The following PAQR8 variants were observed in gnomAD, a reference collection of about 807,000 sequenced individuals.
PAQR8 encodes membrane progestin receptor beta.
Under a neutral mutation model 25.2 loss-of-function variants are expected in PAQR8, and 17 were observed. That is an observed-to-expected ratio of 0.67 (90% CI 0.46 to 1.01). The LOEUF (loss-of-function observed/expected upper bound fraction) is 1.01, where lower values mean the gene tolerates loss of function less well. PAQR8 is among the 50% of genes least tolerant of loss of function. The pLI, the probability that PAQR8 is intolerant of heterozygous loss-of-function variation, is 0.00. For synonymous variants in PAQR8, 204 were observed against 190.6 expected, an observed-to-expected ratio of 1.07 and a Z score of -0.58; for missense variants, 392 against 448.4, an observed-to-expected ratio of 0.87 and a Z score of 1.14.
chr6:52,379,746 C>T (rs1196373430), intron 1 of PAQR8, among the ~76,000 whole-genome samples: 1 of 151,512 alleles, frequency 6.6e-6, no homozygotes, highest in Non-Finnish European at 1.5e-5. Flanking sequence ...CCTGCTTCAG[C>T]CTCCGAAGTA....
chr6:52,401,918 G>A (rs1051240208), intron 1 of PAQR8, among the ~76,000 whole-genome samples: 1 of 151,946 alleles, frequency 6.6e-6, no homozygotes, highest in Non-Finnish European at 1.5e-5. Context: ...TTTTAATATC[G>A]AGAAAAGCCC....
intron 1 of PAQR8, among the ~76,000 whole-genome samples, chr6:52,374,281 G>T (rs988086697): frequency 6.6e-6 from 1 of 152,128 alleles, no homozygotes; most frequent in Non-Finnish European, 1.5e-5. Context: ...AGAAACTTTG[G>T]TTCTCCATTT....
chr6:52,394,447 T>A lies in PAQR8; in HGVS notation c.-52-8715T>A, dbSNP rs571528823. Reference sequence around the variant, plus strand: ...CTTAAGAATACAGATGATCCCCAACTTAGGATGGTGTGAAAGTGATACACA... The same window carrying A: ...CTTAAGAATACAGATGATCCCCAACATAGGATGGTGTGAAAGTGATACACA... On this transcript the variant is annotated intron_variant, in intron 1 of 1. Coordinates refer to ENST00000442253, the MANE Select transcript of PAQR8 (RefSeq NM_133367.5). Among the ~76,000 whole-genome samples the A allele has an allele frequency of 3.3e-5, 5 of 152,208 alleles. No homozygotes were observed. The South Asian group carries it at 1.0e-3, about 31-fold the overall frequency.
Position 52,406,478 on chromosome 6 carries a change from G to A in PAQR8, c.*2200G>A. 2.4e-6 allele frequency: 1 copy of A among 413,498 alleles called. No individual in the cohort carries two copies. Among genetic ancestry groups the A allele is most frequent in the Non-Finnish European group, 4.4e-6 (1 of 226,154 alleles). 25.6% of individuals were successfully genotyped at this position (413,498 alleles called of 1,614,324 possible). A position where few individuals can be genotyped will look rare whatever the true frequency, so the allele number is the denominator to read the frequency against. On this transcript the variant is annotated 3_prime_UTR_variant, in exon 2 of 2. Coordinates refer to ENST00000442253, the MANE Select transcript of PAQR8 (RefSeq NM_133367.5). ...GAACATTGTTAATGGCCTGTGACAT[G>A]ATGAGCACAGGAACAGGCATGAAGA...
chr6:52,403,101 T>C, intron 1 of PAQR8, 61 bp from the exon 2 acceptor site: 1 of 861,908 alleles, frequency 1.2e-6, no homozygotes. Context: ...TAGTTCCTTG[T>C]CCGTCTTAGC....
At chr6:52,397,494 A>G (rs1166393057) in intron 1 of PAQR8, among the ~76,000 whole-genome samples, 1 of 152,130 alleles carries the variant, frequency 6.6e-6, no homozygotes, top group African/African-American at 2.4e-5. Flanking sequence ...TATGTGTGTC[A>G]TCTGGTGTTG....
chr6:52,377,610 T>G (rs1181099106), intron 1 of PAQR8, among the ~76,000 whole-genome samples: 1 of 152,152 alleles, frequency 6.6e-6, no homozygotes, highest in Non-Finnish European at 1.5e-5. Context: ...TTAGGACTTT[T>G]GTTTAAGAGC....
intron 1 of PAQR8, among the ~76,000 whole-genome samples, chr6:52,373,217 G>C (rs557783333): frequency 6.6e-6 from 1 of 152,156 alleles, no homozygotes; most frequent in East Asian, 1.9e-4. Flanking sequence ...TGAAAGGCCC[G>C]TCTGAAAGAA....
rs937308014 is a variant in PAQR8 at position 52,362,756 on chromosome 6, A to G, written c.-53+507A>G. On this transcript the variant is annotated intron_variant, in intron 1 of 1. Coordinates refer to ENST00000442253, the MANE Select transcript of PAQR8 (RefSeq NM_133367.5). This position sits in a 1 kb window ranked among gnomAD's most constrained non-coding sequence, Gnocchi z 4.1. ...AACGGAACCTGGGAGGGGAGTGCGG[A>G]GGAGAGGAAGCCCGGGGCGGTAGGG... Among the ~76,000 whole-genome samples, 7 of 152,060 alleles carry G rather than the reference A, an allele frequency of 4.6e-5. No individual in the cohort carries two copies. Among genetic ancestry groups the G allele is most frequent in the Non-Finnish European group, 1.0e-4 (7 of 67,984 alleles).
At chr6:52,364,083 G>GTTTTTTTATTTTTTT (rs1763322592) in intron 1 of PAQR8, among the ~76,000 whole-genome samples, 1 of 84,268 alleles carries the variant, frequency 1.2e-5, no homozygotes. Context: ...TGAAAGATAT[G>GTTTTTTTATTTTTTT]TTTTTTTTTT....
At chr6:52,364,833 T>C (rs1038946202) in intron 1 of PAQR8, among the ~76,000 whole-genome samples, 2 of 152,226 alleles carry the variant, frequency 1.3e-5, no homozygotes, top group African/African-American at 4.8e-5. Context: ...GAATTACAGT[T>C]GGTCCCTGAA....
chr6:52,374,029 C>T (rs1322004012), intron 1 of PAQR8, among the ~76,000 whole-genome samples: 2 of 152,096 alleles, frequency 1.3e-5, no homozygotes, highest in African/African-American at 4.8e-5. Context: ...AAGTATGTGA[C>T]ACCTCCCCAC....
chr6:52,384,230 G>T (rs1763602456), intron 1 of PAQR8, among the ~76,000 whole-genome samples: 1 of 152,028 alleles, frequency 6.6e-6, no homozygotes, highest in African/African-American at 2.4e-5. Flanking sequence ...TGCTGATGGG[G>T]ACATCTACAC....
intron 1 of PAQR8, among the ~76,000 whole-genome samples, chr6:52,389,437 C>G (rs1017441823): frequency 6.6e-6 from 1 of 152,016 alleles, no homozygotes; most frequent in African/African-American, 2.4e-5. Context: ...AGAGAAGGCT[C>G]TCTACACACA....
At chr6:52,366,138 G>GT (rs1763349283) in intron 1 of PAQR8, among the ~76,000 whole-genome samples, 1 of 151,370 alleles carries the variant, frequency 6.6e-6, no homozygotes, top group Admixed American at 6.6e-5. Flanking sequence ...GTCAACACTA[G>GT]TTTTTTTTCA....
chr6:52,398,017 G>A (rs530044369), intron 1 of PAQR8, among the ~76,000 whole-genome samples: 67 of 152,108 alleles, frequency 4.4e-4, no homozygotes, highest in Non-Finnish European at 8.5e-4. Flanking sequence ...CTTGACAGTG[G>A]TTTCTGAAGT....
intron 1 of PAQR8, among the ~76,000 whole-genome samples, chr6:52,390,712 T>G (rs551957638): frequency 1.5e-4 from 23 of 152,280 alleles, no homozygotes; most frequent in Admixed American, 1.2e-3. Flanking sequence ...GTTACATATT[T>G]TTTTCCCTTT....
chr6:52,383,660 CAA>C (rs57004196), intron 1 of PAQR8, among the ~76,000 whole-genome samples: 27 of 128,064 alleles, frequency 2.1e-4, no homozygotes, highest in Admixed American at 3.2e-4. Flanking sequence ...GAGTCCGTCT[CAA>C]AAAAAAAAAA....
rs1343084872 is a variant in PAQR8, at chr6:52,405,501, G to T, written c.*1223G>T. 2 of 167,190 alleles carry T rather than the reference G, an allele frequency of 1.2e-5. No homozygotes were observed. Among genetic ancestry groups the T allele is most frequent in the Admixed American group, 6.5e-5 (1 of 15,286 alleles). The allele number at this position is 167,190 out of a possible 1,614,324, so 10.4% of individuals were successfully genotyped here. A position where few individuals can be genotyped will look rare whatever the true frequency, so the allele number is the denominator to read the frequency against. ...ACCCTGGTTTGTTTGGAGCATTGCT[G>T]CCCAGAAGCTTCTATGGGATAGGTG... On this transcript the variant is annotated 3_prime_UTR_variant, in exon 2 of 2. Transcript: ENST00000442253.
Sources: gnomAD v4.1 joint callset for allele counts (sites outside exome capture counted in the v4.1 genomes callset) on GRCh38, gnomAD v4.1.1 for gene constraint, Gnocchi (gnomAD v3.1) non-coding constraint, MANE v1.5 for transcripts, NCBI Gene and HGNC (gene_info 2026-07-23, HGNC 2026-07-21) for gene names.